SPAG16: variants seen among roughly 807,000 people sequenced by gnomAD.
The protein encoded by SPAG16 is sperm-associated antigen 16 protein.
A neutral mutation model predicts 80.4 loss-of-function variants in SPAG16; 86 were observed. That is an observed-to-expected ratio of 1.07 (90% CI 0.90 to 1.28). The LOEUF is 1.28. SPAG16 is among the 50% of genes most tolerant of loss of function. The pLI is 0.00. For missense variants in SPAG16, 870 were observed against 765.3 expected, an observed-to-expected ratio of 1.14 and a Z score of -1.61; for synonymous variants, 294 against 265.9, an observed-to-expected ratio of 1.11 and a Z score of -1.03.
At chr2:213,891,923 G>A (rs1358523194) in intron 11 of SPAG16, among the ~76,000 whole-genome samples, 2 of 152,096 alleles carry the variant, frequency 1.3e-5, no homozygotes, top group East Asian at 3.9e-4. Context: ...GGGTAGCCTG[G>A]CAGGAGACAT....
intron 5 of SPAG16, among the ~76,000 whole-genome samples, chr2:213,336,459 C>T (rs895174300): frequency 6.6e-6 from 1 of 152,218 alleles, no homozygotes; most frequent in African/African-American, 2.4e-5. Flanking sequence ...GCCAACGCAG[C>T]AGGTCAGAGA....
chr2:213,512,375 T>C (rs1484946203), intron 10 of SPAG16, among the ~76,000 whole-genome samples: 1 of 152,146 alleles, frequency 6.6e-6, no homozygotes. Context: ...TTTTTTGCAC[T>C]CAAGCTACAG....
chr2:213,406,862 TG>T (rs948036526), intron 9 of SPAG16, among the ~76,000 whole-genome samples: 6 of 147,514 alleles, frequency 4.1e-5, no homozygotes, highest in Non-Finnish European at 5.9e-5. Context: ...AGCCCTAGTG[TG>T]GTGGCCTCAG....
intron 15 of SPAG16, among the ~76,000 whole-genome samples, chr2:214,392,643 G>A (rs1701155156): frequency 1.3e-5 from 2 of 150,534 alleles, no homozygotes; most frequent in South Asian, 2.1e-4. Flanking sequence ...TTATAGTTCT[G>A]AAGAAGAGTT....
chr2:214,008,694 A>C (rs1316314180), intron 12 of SPAG16, among the ~76,000 whole-genome samples: 1 of 151,900 alleles, frequency 6.6e-6, no homozygotes, highest in Non-Finnish European at 1.5e-5. Context: ...GCAGTGAGCC[A>C]AGATCGTGCC....
chr2:214,363,327 C>T (rs935230036), intron 15 of SPAG16, among the ~76,000 whole-genome samples: 5 of 152,088 alleles, frequency 3.3e-5, no homozygotes, highest in African/African-American at 1.2e-4. Context: ...CAAAAATTTA[C>T]ATTTCTGCCC....
intron 10 of SPAG16, among the ~76,000 whole-genome samples, chr2:213,614,981 C>T (rs995231110): frequency 1.3e-5 from 2 of 152,190 alleles, no homozygotes; most frequent in Admixed American, 6.5e-5. Context: ...GCTTTATATA[C>T]ATTTACATTA....
At chr2:214,023,155 G>C (rs2047963414) in intron 13 of SPAG16, among the ~76,000 whole-genome samples, 3 of 151,788 alleles carry the variant, frequency 2.0e-5, no homozygotes, top group Admixed American at 2.0e-4. Context: ...CTTGCAGTAG[G>C]TAATCACTTA....
chr2:214,354,387 T>C (rs1456409872), intron 15 of SPAG16, among the ~76,000 whole-genome samples: 2 of 152,154 alleles, frequency 1.3e-5, no homozygotes, highest in Non-Finnish European at 2.9e-5. Context: ...TACCATGCTG[T>C]TTTGGTTACT....
chr2:214,111,152 A>C (rs1384274311), intron 14 of SPAG16, among the ~76,000 whole-genome samples: 1 of 152,160 alleles, frequency 6.6e-6, no homozygotes, highest in Non-Finnish European at 1.5e-5. Flanking sequence ...CCATTTGTCT[A>C]TTCTGGCTTT....
chr2:213,795,033 A>C (rs2070937243), intron 10 of SPAG16, among the ~76,000 whole-genome samples: 1 of 152,152 alleles, frequency 6.6e-6, no homozygotes, highest in Admixed American at 6.5e-5. Flanking sequence ...AAAGACTCTG[A>C]AGATAATTGA....
At chr2:214,180,118 T>C (rs1199116708) in intron 15 of SPAG16, among the ~76,000 whole-genome samples, 2 of 151,650 alleles carry the variant, frequency 1.3e-5, no homozygotes, top group African/African-American at 4.8e-5. Context: ...TATGACAATG[T>C]ATATTTTAAA....
At chr2:213,737,051 A>T (rs895370685) in intron 10 of SPAG16, among the ~76,000 whole-genome samples, 8 of 152,178 alleles carry the variant, frequency 5.3e-5, no homozygotes, top group Admixed American at 5.2e-4. Flanking sequence ...CAGCCCTATT[A>T]AGGCAGCCAA....
At chr2:214,134,988 A>G (rs1218473012) in intron 14 of SPAG16, among the ~76,000 whole-genome samples, 6 of 152,054 alleles carry the variant, frequency 3.9e-5, no homozygotes, top group Admixed American at 2.0e-4. Flanking sequence ...TCTCTTCCCT[A>G]TTATTTGTCC....
At chr2:214,151,793 G>A (rs1288796246) in intron 15 of SPAG16, among the ~76,000 whole-genome samples, 3 of 151,528 alleles carry the variant, frequency 2.0e-5, no homozygotes, top group Non-Finnish European at 4.4e-5. Flanking sequence ...TGTCTCCGCT[G>A]TGCTCTTGGA....
intron 13 of SPAG16, among the ~76,000 whole-genome samples, chr2:214,065,292 T>C (rs983300508): frequency 2.0e-5 from 3 of 152,052 alleles, no homozygotes; most frequent in African/African-American, 7.2e-5. Flanking sequence ...AGGCCTAAAA[T>C]TGCAAAGGGA....
chr2:213,637,747 C>T (rs1026807893), intron 10 of SPAG16, among the ~76,000 whole-genome samples: 1 of 151,918 alleles, frequency 6.6e-6, no homozygotes, highest in African/African-American at 2.4e-5. Flanking sequence ...TCATAGTAGC[C>T]TTGAATGACC....
intron 14 of SPAG16, among the ~76,000 whole-genome samples, chr2:214,117,364 T>C (rs13033690): frequency 0.094 from 14,340 of 152,180 alleles, 849 homozygotes; most frequent in East Asian, 0.29. Context: ...CCTACAACAG[T>C]TGCCTGTCAA....
chr2:213,423,525 T>G (rs1209776053), intron 9 of SPAG16, among the ~76,000 whole-genome samples: 1 of 152,194 alleles, frequency 6.6e-6, no homozygotes, highest in Non-Finnish European at 1.5e-5. Context: ...TGTGCCTTAG[T>G]GTCTTCATTT....
Sources: gnomAD v4.1 joint callset for allele counts (sites outside exome capture counted in the v4.1 genomes callset) on GRCh38, gnomAD v4.1.1 for gene constraint, MANE v1.5 for transcripts, NCBI Gene and HGNC (gene_info 2026-07-23, HGNC 2026-07-21) for gene names.